LUC7L: variants seen among roughly 807,000 people sequenced by gnomAD.
The protein encoded by LUC7L is LUC7 like, also known as putative RNA-binding protein Luc7-like 1.
LUC7L carries 29 observed loss-of-function variants against 51.1 expected under a neutral mutation model. The observed-to-expected ratio is 0.57, with a 90% CI of 0.42 to 0.77. LUC7L has a LOEUF of 0.77. Ranked by LOEUF, LUC7L falls within the 30% of genes least tolerant of loss-of-function variation. The probability of loss-of-function intolerance (pLI) is 0.00; values close to 1 mark genes in which losing one functional copy is unlikely to be tolerated. For synonymous variants in LUC7L, 181 were observed against 180.7 expected (o/e 1.00, Z -0.01); for missense variants, 403 against 511.9 (o/e 0.79, Z 2.05).
chr16:228,456 T>C (rs1188858702), intron 1 of LUC7L: 1 of 1,253,550 alleles, frequency 8.0e-7, no homozygotes, highest in Non-Finnish European at 1.0e-6. Context: ...GAAATAAAAA[T>C]ATGGGAAGCA....
At chr16:228,574 C>T (rs2050184188) in intron 1 of LUC7L, 1 of 1,193,316 alleles carries the variant, frequency 8.4e-7, no homozygotes, top group Middle Eastern at 2.4e-4. Context: ...TGTGAACTTA[C>T]AACTTCATTA....
intron 2 of LUC7L, among the ~76,000 whole-genome samples, chr16:225,923 A>T (rs1157494947): frequency 6.6e-6 from 1 of 152,218 alleles, no homozygotes; most frequent in Non-Finnish European, 1.5e-5. Context: ...AATCTTCCCG[A>T]GAGTGCACAT....
chr16:211,389 C>A (rs1206517403), intron 3 of LUC7L, among the ~76,000 whole-genome samples: 1 of 150,952 alleles, frequency 6.6e-6, no homozygotes, highest in South Asian at 2.1e-4. Flanking sequence ...ACCTGGGAGG[C>A]GGAGGTTGCA....
chr16:228,771 G>A, intron 1 of LUC7L: 2 of 1,282,046 alleles, frequency 1.6e-6, no homozygotes, highest in African/African-American at 1.5e-5. Flanking sequence ...AGCTGGAAAA[G>A]TACTTGGCAG....
intron 6 of LUC7L, among the ~76,000 whole-genome samples, chr16:194,990 G>A (rs2049111347): frequency 6.6e-6 from 1 of 152,168 alleles, no homozygotes; most frequent in Admixed American, 6.6e-5. Flanking sequence ...CATACCCAGT[G>A]TGGATGAGAG....
At position 189,292 on chromosome 16, in the gene LUC7L, C is replaced by T. The variant is rs1268925301; in HGVS notation, c.1022G>A (p.Arg341Gln). ...CCAGTCCGGGGGCCCTCGCTCGCTC[C>T]GCCCGCTCTCCCAGGACTCCTCTCT... Reference protein sequence around the residue: ...ASREESWESGRSERGPPDWRL... With the variant: ...ASREESWESGQSERGPPDWRL... The change falls in exon 10 of 10, where the codon CGG becomes CAG. Residue 341 changes from arginine to glutamine, a missense_variant. Transcript: ENST00000293872. 12 of 1,613,484 alleles carry T rather than the reference C, an allele frequency of 7.4e-6. No homozygotes were observed. Among genetic ancestry groups the T allele is most frequent in the Middle Eastern group, 1.7e-4 (1 of 6,060 alleles).
intron 9 of LUC7L, chr16:189,731 A>G (rs922234967): frequency 1.4e-6 from 2 of 1,383,142 alleles, no homozygotes; most frequent in Admixed American, 3.0e-5. Context: ...AACAGTGCAC[A>G]GGCCCCAGGA....
intron 3 of LUC7L, 95 bp from the exon 4 acceptor site, chr16:208,283 G>A (rs1465627465): frequency 1.4e-5 from 12 of 879,906 alleles, no homozygotes; most frequent in African/African-American, 6.9e-5. Flanking sequence ...TCCTAGGTTC[G>A]TTTCTTTAAA....
chr16:194,934 G>A (rs2049109014), intron 6 of LUC7L, among the ~76,000 whole-genome samples: 1 of 152,088 alleles, frequency 6.6e-6, no homozygotes, highest in Non-Finnish European at 1.5e-5. Flanking sequence ...AAAGAATCAC[G>A]AGTCTTCTCC....
chr16:203,517 G>A (rs1047630655), intron 5 of LUC7L, among the ~76,000 whole-genome samples: 6 of 151,934 alleles, frequency 3.9e-5, no homozygotes, highest in Admixed American at 1.3e-4. Context: ...GACCAGCCTT[G>A]ACAACATGGC....
At chr16:215,074 G>T (rs904922513) in intron 3 of LUC7L, among the ~76,000 whole-genome samples, 2 of 152,012 alleles carry the variant, frequency 1.3e-5, no homozygotes, top group Non-Finnish European at 2.9e-5. Flanking sequence ...CTCAATAGTT[G>T]TATTACATCT....
At chr16:197,097 G>A (rs1207530323) in intron 6 of LUC7L, among the ~76,000 whole-genome samples, 7 of 151,256 alleles carry the variant, frequency 4.6e-5, no homozygotes, top group African/African-American at 1.2e-4. Context: ...TAGTAGAGAC[G>A]GGGTTTCACC....
intron 3 of LUC7L, among the ~76,000 whole-genome samples, chr16:211,475 T>C (rs2049639109): frequency 6.6e-6 from 1 of 152,058 alleles, no homozygotes. Context: ...ACAACAACTA[T>C]AAATGGTAAA....
chr16:227,648 G>C (rs975292733), intron 1 of LUC7L: 5 of 1,131,636 alleles, frequency 4.4e-6, no homozygotes, highest in Non-Finnish European at 4.4e-6. Flanking sequence ...GTGGCAATGA[G>C]ACTGCAAAAC....
intron 9 of LUC7L, chr16:189,569 A>C (rs1321198637): frequency 7.2e-7 from 1 of 1,384,428 alleles, no homozygotes; most frequent in Non-Finnish European, 9.3e-7. Flanking sequence ...ACTGTAACAT[A>C]AACAGTGCAA....
intron 5 of LUC7L, among the ~76,000 whole-genome samples, chr16:202,947 A>C (rs2049375044): frequency 6.6e-6 from 1 of 152,182 alleles, no homozygotes. Context: ...CAGGAGTTTG[A>C]GACCAGCCTG....
At chr16:225,820 G>C (rs1254753133) in intron 2 of LUC7L, among the ~76,000 whole-genome samples, 2 of 151,398 alleles carry the variant, frequency 1.3e-5, no homozygotes, top group Non-Finnish European at 2.9e-5. Flanking sequence ...GAAAAGAAAA[G>C]AAAAGAAAAG....
rs889493096 is a variant in LUC7L at position 189,062 on chromosome 16, T to C, written c.*136A>G. ...GAACACAGGAGCAACTCTGTACACT[T>C]CTAGAAACTCACAGCTAGCTCCAAA... On this transcript the variant is annotated 3_prime_UTR_variant, in exon 10 of 10. Transcript: ENST00000293872. 5.0e-6 allele frequency: 5 copies of C among 1,000,092 alleles called. No homozygotes were observed. The highest frequency in any genetic ancestry group is 3.2e-5 in the African/African-American group (2 of 62,080). 62.0% of individuals were successfully genotyped at this position (1,000,092 alleles called of 1,614,324 possible).
At chr16:201,147 C>T (rs148553138) in intron 5 of LUC7L, among the ~76,000 whole-genome samples, 1 of 117,126 alleles carries the variant, frequency 8.5e-6, no homozygotes, top group African/African-American at 3.4e-5. Context: ...CCAGCCTGGG[C>T]GACAGAGCGA....
Sources: allele counts gnomAD v4.1 joint callset (sites outside exome capture counted in the v4.1 genomes callset), GRCh38; gene constraint gnomAD v4.1.1; transcripts MANE v1.5; gene names NCBI Gene and HGNC (gene_info 2026-07-23, HGNC 2026-07-21).